Variants in LSS observed in about 807,000 individuals in gnomAD.
LSS encodes the protein 2,3-epoxysqualene-lanosterol cyclase.
Under a neutral mutation model 110.3 loss-of-function variants are expected in LSS, and 90 were observed. The observed-to-expected ratio is 0.82, with a 90% CI of 0.69 to 0.97. LSS has a LOEUF of 0.97. Among genes scored for constraint, LSS ranks in the 50% least tolerant of loss-of-function variants. The pLI, the probability that LSS is intolerant of heterozygous loss-of-function variation, is 0.00. For synonymous variants in LSS, 433 were observed against 400.0 expected, an observed-to-expected ratio of 1.08 and a Z score of -0.98; for missense variants, 927 against 990.0, an observed-to-expected ratio of 0.94 and a Z score of 0.85.
Position 46,208,311 on chromosome 21 carries a change from A to C in LSS, c.1267-10T>G. 1 of 1,552,332 alleles carries C rather than the reference A, an allele frequency of 6.4e-7. No homozygotes were observed. The highest frequency in any genetic ancestry group is 8.7e-7 in the Non-Finnish European group (1 of 1,147,284). Reference sequence around the variant, plus strand: ...GAGGGTTATCTGGGACCTGGGCAGCATCGAGGGCAAATGTGGAAGCAGAGA... The same window carrying C: ...GAGGGTTATCTGGGACCTGGGCAGCCTCGAGGGCAAATGTGGAAGCAGAGA... On this transcript the variant is annotated splice_polypyrimidine_tract_variant and intron_variant, in intron 13 of 21. Coordinates refer to ENST00000397728, the MANE Select transcript of LSS (RefSeq NM_002340.6).
Position 46,189,976 on chromosome 21 carries a change from A to G in LSS, c.*1128T>C, listed in dbSNP as rs2079783980. On this transcript the variant is annotated 3_prime_UTR_variant, in exon 22 of 22. Transcript: ENST00000397728. Reference sequence around the variant, plus strand: ...CAGACCAGACTGGGTCAGAGGCTAGAAGGGAGCTCACAGGATTGCCTGGGG... The same window carrying G: ...CAGACCAGACTGGGTCAGAGGCTAGGAGGGAGCTCACAGGATTGCCTGGGG... 3 of 313,890 alleles carry G rather than the reference A, an allele frequency of 9.6e-6. No homozygotes were observed. Among genetic ancestry groups the G allele is most frequent in the Non-Finnish European group, 1.9e-5 (3 of 160,340 alleles). The allele number at this position is 313,890 out of a possible 1,614,324, so 19.4% of individuals were successfully genotyped here. A position where few individuals can be genotyped will look rare whatever the true frequency, so the allele number is the denominator to read the frequency against.
chr21:46,212,952 C>T (rs1448652140), intron 11 of LSS, 73 bp downstream of exon 11: 1 of 1,587,500 alleles, frequency 6.3e-7, no homozygotes, highest in Non-Finnish European at 8.6e-7. Flanking sequence ...TATTTCTGAA[C>T]CCCAAAGGAA....
chr21:46,216,748 C>T lies in LSS; in HGVS notation c.648-224G>A, dbSNP rs1024696413. On this transcript the variant is annotated intron_variant, in intron 6 of 21. Transcript: ENST00000397728. The surrounding 1 kb of genome is among the most constrained non-coding windows in gnomAD (Gnocchi z 4.2). The stretch of plus-strand genomic sequence containing the variant: ...ACCTCCTAGTTCGGTCAGCATTTTG[C>T]ATCCTAAAACCAGGTGATGGAGCTC... 6.6e-6 allele frequency among the ~76,000 whole-genome samples: 1 copy of T among 152,178 alleles called. No individual in the cohort carries two copies. The highest frequency in any genetic ancestry group is 1.5e-5 in the Non-Finnish European group (1 of 68,036).
chr21:46,194,074 G>A (rs1297168769), intron 20 of LSS, among the ~76,000 whole-genome samples: 1 of 152,198 alleles, frequency 6.6e-6, no homozygotes, highest in Non-Finnish European at 1.5e-5. Context: ...CTGCGTGTGT[G>A]TGCACCTGGC....
Position 46,227,535 on chromosome 21 carries a change from G to A in LSS, c.319+17C>T. 6.2e-7 allele frequency: 1 copy of A among 1,613,710 alleles called. No individual in the cohort carries two copies. ...CCAGGGTGGCCATACCATCAGGCTG[G>A]GGCAGCATACTCCTACCTGGCAGGA... is the stretch of plus-strand genomic sequence containing the variant. On this transcript the variant is annotated intron_variant, in intron 3 of 21. Transcript: ENST00000397728.
At chr21:46,224,231 CCT>C (rs2080310555) in intron 3 of LSS, among the ~76,000 whole-genome samples, 2 of 152,216 alleles carry the variant, frequency 1.3e-5, no homozygotes, top group Non-Finnish European at 2.9e-5. Context: ...GGAAGGGCCC[CCT>C]GTCCAGTGGA....
In LSS at chr21:46,228,596, ACACCT is replaced by A; in HGVS notation, c.15-2_17del. On this transcript the variant is annotated splice_acceptor_variant and coding_sequence_variant, in exon 2 of 22. Transcript: ENST00000397728. LOFTEE classifies it high-confidence loss of function. ...TGTAGGGGCCCCCTCGGCGCCGCAGACACCTGAGGACCACCGGCCATCAGCGACCC... is the reference window on the plus strand; with the variant it reads ...TGTAGGGGCCCCCTCGGCGCCGCAGAGAGGACCACCGGCCATCAGCGACCC... The A allele has an allele frequency of 6.3e-7, 1 of 1,591,496 alleles. No individual in the cohort carries two copies. Among genetic ancestry groups the A allele is most frequent in the Non-Finnish European group, 8.5e-7 (1 of 1,175,786 alleles).
In LSS at chr21:46,223,749, G is replaced by A. The variant is rs540252854; in HGVS notation, c.320-1011C>T. 1.1e-4 allele frequency among the ~76,000 whole-genome samples: 17 copies of A among 152,360 alleles called. No individual in the cohort carries two copies. In the East Asian group the frequency reaches 2.5e-3, roughly 22 times the overall value. Reference sequence around the variant, plus strand: ...AGGAGCTGAGGGGACATAGTGAGGTGTGACCAGAAGACAGGAGTGCGAGCC... The same window carrying A: ...AGGAGCTGAGGGGACATAGTGAGGTATGACCAGAAGACAGGAGTGCGAGCC... On this transcript the variant is annotated intron_variant, in intron 3 of 21. Coordinates refer to ENST00000397728, the MANE Select transcript of LSS (RefSeq NM_002340.6).
At chr21:46,221,385 C>T (rs2080278052) in intron 5 of LSS, among the ~76,000 whole-genome samples, 1 of 152,030 alleles carries the variant, frequency 6.6e-6, no homozygotes, top group Admixed American at 6.6e-5. Context: ...GAGACAGGGT[C>T]GCACTCTGTC....
chr21:46,197,066 G>T (rs1005850541), intron 17 of LSS, among the ~76,000 whole-genome samples: 1 of 152,248 alleles, frequency 6.6e-6, no homozygotes, highest in African/African-American at 2.4e-5. Context: ...GCGAGGCCGC[G>T]CCTGGACTTC....
chr21:46,196,310 C>A (rs1377250546), intron 17 of LSS, 43 bp from the exon 18 acceptor site: 3 of 1,486,872 alleles, frequency 2.0e-6, no homozygotes, highest in Admixed American at 1.7e-5. Flanking sequence ...GGTAAAACAG[C>A]AGTTTACCTA....
At chr21:46,218,642 C>T (rs898011899) in intron 6 of LSS, among the ~76,000 whole-genome samples, 4 of 151,912 alleles carry the variant, frequency 2.6e-5, no homozygotes, top group African/African-American at 9.7e-5. Context: ...ACAAAAAAAA[C>T]ACACACCAGA....
At chr21:46,210,590 G>C (rs1183292653) in intron 12 of LSS, 98 bp downstream of exon 12, 4 of 1,186,302 alleles carry the variant, frequency 3.4e-6, no homozygotes, top group Non-Finnish European at 4.9e-6. Context: ...TCGAGGAGTG[G>C]CAAGTGTGTG....
At chr21:46,202,084 G>A (rs2079985503) in intron 17 of LSS, among the ~76,000 whole-genome samples, 1 of 143,192 alleles carries the variant, frequency 7.0e-6, no homozygotes, top group Non-Finnish European at 1.5e-5. Context: ...GTCAGCCACT[G>A]CGCCCGGCAA....
intron 11 of LSS, among the ~76,000 whole-genome samples, chr21:46,212,816 T>G (rs2080150463): frequency 6.6e-6 from 1 of 152,168 alleles, no homozygotes. Context: ...ACAGGACAGC[T>G]GCAGACAGAC....
chr21:46,215,887 G>A, intron 7 of LSS, 94 bp from the exon 8 acceptor site: 2 of 784,980 alleles, frequency 2.5e-6, no homozygotes, highest in Non-Finnish European at 4.1e-6. Context: ...CCGCCCTCAG[G>A]GCCCTGGGCC....
At chr21:46,217,893 G>T (rs1410600832) in intron 6 of LSS, among the ~76,000 whole-genome samples, 1 of 152,120 alleles carries the variant, frequency 6.6e-6, no homozygotes, top group Non-Finnish European at 1.5e-5. Flanking sequence ...TGTGCTCTAC[G>T]GCCCGCCTCA....
intron 17 of LSS, among the ~76,000 whole-genome samples, chr21:46,200,650 A>G (rs1390562748): frequency 6.6e-6 from 1 of 152,250 alleles, no homozygotes; most frequent in African/African-American, 2.4e-5. Flanking sequence ...AGGAAAGATT[A>G]AGGAATTATT....
chr21:46,226,375 C>T (rs996445469), intron 3 of LSS, among the ~76,000 whole-genome samples: 1 of 152,204 alleles, frequency 6.6e-6, no homozygotes, highest in African/African-American at 2.4e-5. Flanking sequence ...TATGTCATTG[C>T]CTTACCACGA....
Sources: gnomAD v4.1 joint callset for allele counts (sites outside exome capture counted in the v4.1 genomes callset) on GRCh38, gnomAD v4.1.1 for gene constraint, Gnocchi (gnomAD v3.1) non-coding constraint, MANE v1.5 for transcripts, NCBI Gene and HGNC (gene_info 2026-07-23, HGNC 2026-07-21) for gene names.